Variants in EYA4 observed in about 807,000 individuals in gnomAD.
EYA4 encodes EYA transcriptional coactivator and phosphatase 4, also known as protein phosphatase EYA4.
EYA4 carries 31 observed loss-of-function variants against 87.9 expected under a neutral mutation model. The ratio of observed to expected loss-of-function variants is 0.35; its 90% CI spans 0.27 to 0.48. EYA4 has a LOEUF of 0.48. Among genes scored for constraint, EYA4 ranks in the 20% least tolerant of loss-of-function variants. The pLI is 0.99. For missense variants in EYA4, 678 were observed against 761.4 expected, an observed-to-expected ratio of 0.89 and a Z score of 1.29; for synonymous variants, 263 against 270.6, an observed-to-expected ratio of 0.97 and a Z score of 0.28.
chr6:133,465,669 T>C (rs940720524), intron 10 of EYA4, among the ~76,000 whole-genome samples: 1 of 152,178 alleles, frequency 6.6e-6, no homozygotes, highest in African/African-American at 2.4e-5. Context: ...AGTTAGTGGC[T>C]GACTTCTGGT....
In EYA4 at chr6:133,343,488, C is replaced by T. The variant is rs1469496430; in HGVS notation, c.34-38904C>T. Among the ~76,000 whole-genome samples the T allele has an allele frequency of 3.3e-5, 5 of 152,042 alleles. No homozygotes were observed. In the East Asian group the frequency reaches 9.7e-4, roughly 30 times the overall value. On this transcript the variant is annotated intron_variant, in intron 2 of 19. Coordinates refer to ENST00000355286, the MANE Select transcript of EYA4 (RefSeq NM_004100.5). ...ATCACTGTTGTTGTTTTTCATTCCT[C>T]GGTGCTTCCCGAGTTCCCTAGCAGA...
At chr6:133,393,673 C>T (rs578200692) in intron 3 of EYA4, among the ~76,000 whole-genome samples, 1 of 152,284 alleles carries the variant, frequency 6.6e-6, no homozygotes, top group South Asian at 2.1e-4. Context: ...TATTTCTAGT[C>T]TTTTCCACAT....
chr6:133,463,389 T>C lies in EYA4; in HGVS notation c.724+625T>C, dbSNP rs541078288. On this transcript the variant is annotated intron_variant, in intron 9 of 19. Coordinates refer to ENST00000355286, the MANE Select transcript of EYA4 (RefSeq NM_004100.5). The stretch of plus-strand genomic sequence containing the variant: ...TTTTTTTTTTTTCTGAGATGCAGTC[T>C]CGCTCTGTTGCCCAGGCTGGAGTGC... Among the ~76,000 whole-genome samples, 722 of 145,166 alleles carry C rather than the reference T, an allele frequency of 5.0e-3. 5 individuals carry two copies. The highest frequency in any genetic ancestry group is 0.017 in the African/African-American group (649 of 38,718).
intron 2 of EYA4, among the ~76,000 whole-genome samples, chr6:133,293,086 ATCTCC>A (rs1466980140): frequency 6.6e-6 from 1 of 152,012 alleles, no homozygotes; most frequent in Non-Finnish European, 1.5e-5. Flanking sequence ...CCCCTCTTGG[ATCTCC>A]TCCTCTTCCT....
Position 133,531,001 on chromosome 6 carries a change from G to A in EYA4, c.*2196G>A, listed in dbSNP as rs919562911. 3.0e-6 allele frequency: 4 copies of A among 1,355,462 alleles called. No homozygotes were observed. In the African/African-American group the frequency reaches 5.9e-5, roughly 20 times the overall value. The allele number at this position is 1,355,462 out of a possible 1,614,324, so 84.0% of individuals were successfully genotyped here. A position where few individuals can be genotyped will look rare whatever the true frequency, so the allele number is the denominator to read the frequency against. On this transcript the variant is annotated 3_prime_UTR_variant, in exon 20 of 20. Coordinates refer to ENST00000355286, the MANE Select transcript of EYA4 (RefSeq NM_004100.5). ...TGAATAAAAACAAATTATCTTTACT[G>A]TATAGCTGGTTTCTTTAAATGTTGA...
At chr6:133,404,628 A>G (rs556051844) in intron 3 of EYA4, among the ~76,000 whole-genome samples, 3 of 152,344 alleles carry the variant, frequency 2.0e-5, no homozygotes, top group South Asian at 4.1e-4. Context: ...AGTCATAGAG[A>G]GCAATTCCAG....
At chr6:133,361,090 G>T (rs575636731) in intron 2 of EYA4, among the ~76,000 whole-genome samples, 1 of 152,206 alleles carries the variant, frequency 6.6e-6, no homozygotes, top group South Asian at 2.1e-4. Flanking sequence ...TGGGTCACTG[G>T]CCTACTTATC....
chr6:133,501,695 A>G (rs1286275709), intron 13 of EYA4, among the ~76,000 whole-genome samples: 4 of 152,118 alleles, frequency 2.6e-5, no homozygotes, highest in Non-Finnish European at 1.5e-5. Flanking sequence ...GTCTACACAT[A>G]TGCTACGGGT....
At chr6:133,442,441 A>AGGG (rs1792399829) in intron 3 of EYA4, among the ~76,000 whole-genome samples, 1 of 152,178 alleles carries the variant, frequency 6.6e-6, no homozygotes, top group East Asian at 1.9e-4. Flanking sequence ...CAACATTTGA[A>AGGG]CTGGAGAGGC....
At chr6:133,458,995 G>A (rs1036110294) in intron 6 of EYA4, among the ~76,000 whole-genome samples, 2 of 152,112 alleles carry the variant, frequency 1.3e-5, no homozygotes, top group Non-Finnish European at 2.9e-5. Flanking sequence ...TTTCAAGTTT[G>A]TACAAGATAT....
At chr6:133,334,299 G>T (rs767212008) in intron 2 of EYA4, among the ~76,000 whole-genome samples, 1 of 152,220 alleles carries the variant, frequency 6.6e-6, no homozygotes, top group Non-Finnish European at 1.5e-5. Context: ...GACAGAATTC[G>T]TGTAACTCCT....
intron 3 of EYA4, among the ~76,000 whole-genome samples, chr6:133,446,153 G>A (rs2128621574): frequency 6.6e-6 from 1 of 152,098 alleles, no homozygotes; most frequent in South Asian, 2.1e-4. Flanking sequence ...CCAAATTTAG[G>A]TAATTAAACA....
chr6:133,294,653 C>G (rs1291891001), intron 2 of EYA4, among the ~76,000 whole-genome samples: 3 of 152,080 alleles, frequency 2.0e-5, no homozygotes, highest in African/African-American at 7.2e-5. Flanking sequence ...CTGCAACCTC[C>G]TCGTCCTGAG....
intron 2 of EYA4, among the ~76,000 whole-genome samples, chr6:133,282,940 T>A (rs9373043): frequency 0.12 from 18,118 of 152,200 alleles, 1,349 homozygotes; most frequent in Non-Finnish European, 0.17. Context: ...CCAAAAGTCT[T>A]GTGTCTGAAC....
intron 5 of EYA4, among the ~76,000 whole-genome samples, chr6:133,452,141 C>T (rs1388009880): frequency 1.3e-5 from 2 of 152,116 alleles, no homozygotes; most frequent in Non-Finnish European, 2.9e-5. Context: ...ACTTTTACTG[C>T]TTCCCTGCAG....
At chr6:133,289,059 A>T (rs2128294015) in intron 2 of EYA4, among the ~76,000 whole-genome samples, 1 of 152,330 alleles carries the variant, frequency 6.6e-6, no homozygotes, top group East Asian at 1.9e-4. Flanking sequence ...AATTGAATGG[A>T]GCACCTTCTT....
At chr6:133,379,308 A>G (rs934387579) in intron 2 of EYA4, among the ~76,000 whole-genome samples, 6 of 152,118 alleles carry the variant, frequency 3.9e-5, no homozygotes, top group Non-Finnish European at 8.8e-5. Context: ...ATTCTTTCTT[A>G]TATAGCATAT....
intron 5 of EYA4, among the ~76,000 whole-genome samples, chr6:133,448,392 G>T (rs1041129669): frequency 1.3e-5 from 2 of 152,072 alleles, no homozygotes; most frequent in African/African-American, 2.4e-5. Context: ...AGTAGTATTA[G>T]TATTCTTTTC....
At chr6:133,477,631 A>T (rs984300998) in intron 11 of EYA4, among the ~76,000 whole-genome samples, 1 of 152,050 alleles carries the variant, frequency 6.6e-6, no homozygotes, top group Admixed American at 6.6e-5. Context: ...TGAAGAGTCC[A>T]TTGCTATTTG....
Sources: gnomAD v4.1 joint callset for allele counts (sites outside exome capture counted in the v4.1 genomes callset) on GRCh38, gnomAD v4.1.1 for gene constraint, MANE v1.5 for transcripts, NCBI Gene and HGNC (gene_info 2026-07-23, HGNC 2026-07-21) for gene names.